The following VAPB variants were observed in gnomAD, a reference collection of about 807,000 sequenced individuals.
VAPB encodes the protein VAMP associated protein B and C.
A neutral mutation model predicts 25.6 loss-of-function variants in VAPB; 7 were observed. The ratio of observed to expected loss-of-function variants is 0.27; its 90% CI spans 0.16 to 0.51. VAPB has a LOEUF of 0.51. VAPB is among the 20% of genes least tolerant of loss of function. VAPB has a pLI of 0.97. For synonymous variants in VAPB, 112 were observed against 109.2 expected (o/e 1.03, Z -0.16); for missense variants, 266 against 301.3 (o/e 0.88, Z 0.87).
chr20:58,397,823 C>T (rs1018138247), intron 1 of VAPB, among the ~76,000 whole-genome samples: 7 of 152,158 alleles, frequency 4.6e-5, no homozygotes, highest in African/African-American at 1.7e-4. Flanking sequence ...AAACTAGAGA[C>T]TTGTCTCAAT....
At chr20:58,425,813 C>T (rs1296034170) in intron 2 of VAPB, among the ~76,000 whole-genome samples, 1 of 152,180 alleles carries the variant, frequency 6.6e-6, no homozygotes, top group Non-Finnish European at 1.5e-5. Context: ...TGTGTTGTAG[C>T]AAACATTCGT....
At chr20:58,423,436 A>G (rs929182550) in intron 2 of VAPB, among the ~76,000 whole-genome samples, 6 of 149,462 alleles carry the variant, frequency 4.0e-5, no homozygotes, top group Admixed American at 2.7e-4. Flanking sequence ...AAAAAAAAAA[A>G]AAAAAAAAAA....
Position 58,444,392 on chromosome 20 carries a change from C to A in VAPB, c.*157C>A, listed in dbSNP as rs1325071740. The A allele has an allele frequency of 1.0e-6, 1 of 960,258 alleles. No homozygotes were observed. The highest frequency in any genetic ancestry group is 1.7e-6 in the Non-Finnish European group (1 of 604,326). The allele number at this position is 960,258 out of a possible 1,614,324, so 59.5% of individuals were successfully genotyped here. The stretch of plus-strand genomic sequence containing the variant: ...CTCCCTGCACACACATACACAGATA[C>A]ACACACACAAATATAATGTAACGAT... On this transcript the variant is annotated 3_prime_UTR_variant, in exon 6 of 6. Coordinates refer to ENST00000475243, the MANE Select transcript of VAPB (RefSeq NM_004738.5).
At chr20:58,389,547 C>T in intron 1 of VAPB, 30 bp downstream of exon 1, 6 of 1,553,864 alleles carry the variant, frequency 3.9e-6, no homozygotes, top group Non-Finnish European at 4.3e-6. Context: ...ACCTTCCTGC[C>T]CGCGGCCTCC....
At chr20:58,396,719 G>T (rs1427198636) in intron 1 of VAPB, among the ~76,000 whole-genome samples, 1 of 152,150 alleles carries the variant, frequency 6.6e-6, no homozygotes, top group African/African-American at 2.4e-5. Context: ...GCAATATAAG[G>T]GTAAAGAAAG....
chr20:58,408,000 T>TA (rs1988273826), intron 1 of VAPB, among the ~76,000 whole-genome samples: 1 of 152,198 alleles, frequency 6.6e-6, no homozygotes, highest in South Asian at 2.1e-4. Context: ...TAGGAATTCT[T>TA]AAAATACAGT....
intron 2 of VAPB, among the ~76,000 whole-genome samples, chr20:58,423,809 C>G (rs892025643): frequency 6.6e-6 from 1 of 152,154 alleles, no homozygotes; most frequent in Non-Finnish European, 1.5e-5. Context: ...TTTCCATGAA[C>G]CAGGCTTATT....
chr20:58,405,055 A>G (rs943343369), intron 1 of VAPB, among the ~76,000 whole-genome samples: 14 of 152,194 alleles, frequency 9.2e-5, no homozygotes, highest in Non-Finnish European at 2.1e-4. Context: ...TAGGTGATAA[A>G]TGGGAAAAAA....
chr20:58,449,271 T>C lies in VAPB; in HGVS notation c.*5036T>C, dbSNP rs1325641201. On this transcript the variant is annotated 3_prime_UTR_variant, in exon 6 of 6. Transcript: ENST00000475243. ...GGGGCCCTGACCTCCCTCCATGCCA[T>C]GTTTTTGGCTGTATCTACGGCACTT... is the stretch of plus-strand genomic sequence containing the variant. The C allele has an allele frequency of 2.2e-6, 1 of 453,972 alleles. No individual in the cohort carries two copies. Among genetic ancestry groups the C allele is most frequent in the Admixed American group, 2.4e-5 (1 of 42,536 alleles). The allele number at this position is 453,972 out of a possible 1,614,324, so 28.1% of individuals were successfully genotyped here. A position where few individuals can be genotyped will look rare whatever the true frequency, so the allele number is the denominator to read the frequency against.
At chr20:58,408,076 T>C (rs958967235) in intron 1 of VAPB, among the ~76,000 whole-genome samples, 2 of 152,220 alleles carry the variant, frequency 1.3e-5, no homozygotes, top group Admixed American at 1.3e-4. Context: ...TGTTTCTTTC[T>C]GCTCTGAAAG....
At chr20:58,406,455 A>G (rs550339534) in intron 1 of VAPB, among the ~76,000 whole-genome samples, 13 of 152,350 alleles carry the variant, frequency 8.5e-5, no homozygotes, top group Non-Finnish European at 1.6e-4. Flanking sequence ...TCACTGGTAT[A>G]GCCACTTAGG....
Position 58,421,377 on chromosome 20 carries a change from A to G in VAPB, c.211+3014A>G, listed in dbSNP as rs190260240. On this transcript the variant is annotated intron_variant, in intron 2 of 5. Transcript: ENST00000475243. ...TAATACTTGAATTGACTGTTTAGAA[A>G]TAAATTACCCCTATATTTTATTTAT... Among the ~76,000 whole-genome samples the G allele has an allele frequency of 3.9e-5, 6 of 152,370 alleles. No individual in the cohort carries two copies. In the South Asian group the frequency reaches 1.0e-3, roughly 26 times the overall value.
chr20:58,445,582 A>T lies in VAPB; in HGVS notation c.*1347A>T. ...TTTGTCATTTTGTCACATTTGCTCT[A>T]TGGGGGGAATTATTATTTTATCATT... On this transcript the variant is annotated 3_prime_UTR_variant, in exon 6 of 6. Transcript: ENST00000475243. The T allele has an allele frequency of 4.4e-6, 2 of 454,310 alleles. No individual in the cohort carries two copies. Among genetic ancestry groups the T allele is most frequent in the South Asian group, 3.1e-5 (2 of 64,392 alleles). The allele number at this position is 454,310 out of a possible 1,614,324, so 28.1% of individuals were successfully genotyped here.
intron 3 of VAPB, among the ~76,000 whole-genome samples, chr20:58,438,417 A>C (rs557335565): frequency 2.6e-5 from 4 of 152,282 alleles, no homozygotes; most frequent in South Asian, 4.1e-4. Flanking sequence ...AGCTGGGACC[A>C]CAGGCATGTG....
In VAPB at chr20:58,446,383, C is replaced by T. The variant is rs566920844; in HGVS notation, c.*2148C>T. The T allele has an allele frequency of 2.2e-6, 1 of 454,058 alleles. No homozygotes were observed. Among genetic ancestry groups the T allele is most frequent in the Admixed American group, 2.3e-5 (1 of 42,574 alleles). The allele number at this position is 454,058 out of a possible 1,614,324, so 28.1% of individuals were successfully genotyped here. A position where few individuals can be genotyped will look rare whatever the true frequency, so the allele number is the denominator to read the frequency against. On this transcript the variant is annotated 3_prime_UTR_variant, in exon 6 of 6. Coordinates refer to ENST00000475243, the MANE Select transcript of VAPB (RefSeq NM_004738.5). ...TTTGATAGGAGAGTGCTTAGGTGGT[C>T]CCCAACAGTGCCTAGGGGTACAGTA...
chr20:58,445,684 CTGTGTGTGTGTGTGTGTG>C lies in VAPB; in HGVS notation c.*1469_*1486del, dbSNP rs138225455. ...GAAATACGTGTTTCATGATTTAACTCTGTGTGTGTGTGTGTGTGTGTGTGTGTGTGTGTGTGTATTTTT... is the reference window on the plus strand; with the variant it reads ...GAAATACGTGTTTCATGATTTAACTCTGTGTGTGTGTGTGTGTGTATTTTT... On this transcript the variant is annotated 3_prime_UTR_variant, in exon 6 of 6. Transcript: ENST00000475243. 138,940 of 432,562 alleles carry C rather than the reference CTGTGTGTGTGTGTGTGTG, an allele frequency of 0.32. 20,817 individuals carry two copies. Among genetic ancestry groups the C allele is most frequent in the African/African-American group, 0.34 (16,324 of 47,908 alleles). The allele number at this position is 432,562 out of a possible 1,614,324, so 26.8% of individuals were successfully genotyped here.
chr20:58,444,806 T>C lies in VAPB; in HGVS notation c.*571T>C. 1 of 454,518 alleles carries C rather than the reference T, an allele frequency of 2.2e-6. No homozygotes were observed. Among genetic ancestry groups the C allele is most frequent in the South Asian group, 1.6e-5 (1 of 64,476 alleles). The allele number at this position is 454,518 out of a possible 1,614,324, so 28.2% of individuals were successfully genotyped here. ...CAGCATCAGACGTACTCGTCATAAG[T>C]GAGAGGCGTGTGTTGACTGATTGAC... On this transcript the variant is annotated 3_prime_UTR_variant, in exon 6 of 6. Coordinates refer to ENST00000475243, the MANE Select transcript of VAPB (RefSeq NM_004738.5).
chr20:58,400,579 G>A (rs1292298628), intron 1 of VAPB, among the ~76,000 whole-genome samples: 4 of 152,018 alleles, frequency 2.6e-5, no homozygotes, highest in African/African-American at 9.7e-5. Flanking sequence ...TTATTGCTTG[G>A]CTTTCACTGC....
chr20:58,421,213 A>G (rs991152029), intron 2 of VAPB, among the ~76,000 whole-genome samples: 6 of 152,180 alleles, frequency 3.9e-5, no homozygotes, highest in African/African-American at 1.4e-4. Context: ...TAAGGTAGGG[A>G]GAATAGTGTC....
Sources: allele counts gnomAD v4.1 joint callset (sites outside exome capture counted in the v4.1 genomes callset), GRCh38; gene constraint gnomAD v4.1.1; transcripts MANE v1.5; gene names NCBI Gene and HGNC (gene_info 2026-07-23, HGNC 2026-07-21).